The following CPLANE1 variants were observed in gnomAD, a reference collection of about 807,000 sequenced individuals.
The protein encoded by CPLANE1 is ciliogenesis and planar polarity effector complex subunit 1, also known as ciliogenesis and planar polarity effector 1.
In CPLANE1, 263 loss-of-function variants were observed where a neutral mutation model predicts 362.5. That is an observed-to-expected ratio of 0.73 (90% CI 0.66 to 0.80). CPLANE1 has a LOEUF of 0.80. Among genes scored for constraint, CPLANE1 ranks in the 30% least tolerant of loss-of-function variants. The pLI is 0.00. For missense variants in CPLANE1, 3,461 were observed against 3,793.4 expected, an observed-to-expected ratio of 0.91 and a Z score of 2.30; for synonymous variants, 1,212 against 1,302.6, an observed-to-expected ratio of 0.93 and a Z score of 1.50.
intron 47 of CPLANE1, among the ~76,000 whole-genome samples, chr5:37,123,671 A>C (rs1441172873): frequency 2.0e-5 from 3 of 152,070 alleles, no homozygotes; most frequent in Non-Finnish European, 4.4e-5. Context: ...ATGTGCCACC[A>C]CATCTGGCTA....
At position 37,183,680 on chromosome 5, in the gene CPLANE1, C is replaced by T; in HGVS notation, c.4501G>A (p.Glu1501Lys). ...IYQRNAPNHM[E>K]LTSIHKPTDK... ...GTTGGCTTATGAATTGATGTTAATT[C>T]CATGTGATTTGGGGCATTTCTATAG... Residue 1501 changes from glutamate (E) to lysine (K), a missense_variant, in exon 26 of 53, where the codon GAA becomes AAA. Physicochemically the swap from Glu to Lys is moderately conservative, Grantham distance 56. Coordinates refer to ENST00000651892, the MANE Select transcript of CPLANE1 (RefSeq NM_001384732.1). 6.3e-7 allele frequency: 1 copy of T among 1,585,826 alleles called. No homozygotes were observed. Among genetic ancestry groups the T allele is most frequent in the Non-Finnish European group, 8.5e-7 (1 of 1,169,892 alleles).
chr5:37,175,460 T>C (rs898732789), intron 31 of CPLANE1, among the ~76,000 whole-genome samples: 7 of 152,212 alleles, frequency 4.6e-5, no homozygotes, highest in South Asian at 4.1e-4. Flanking sequence ...ATTCTAACTA[T>C]GAAAATTTTT....
At chr5:37,201,897 A>G in intron 18 of CPLANE1, 89 bp from the exon 19 acceptor site, 2 of 841,156 alleles carry the variant, frequency 2.4e-6, no homozygotes, top group African/African-American at 3.4e-5. Flanking sequence ...ATCTAAAAAC[A>G]TTCATTGTCA....
At chr5:37,176,651 T>G (rs1246511371) in intron 30 of CPLANE1, among the ~76,000 whole-genome samples, 2 of 152,164 alleles carry the variant, frequency 1.3e-5, no homozygotes, top group Admixed American at 1.3e-4. Flanking sequence ...AATAGAAGTA[T>G]CTAAATTACT....
chr5:37,098,290 G>T, the CPLANE1 span, among the ~76,000 whole-genome samples: 1 of 150,610 alleles, frequency 6.6e-6, no homozygotes, highest in Non-Finnish European at 1.5e-5. Flanking sequence ...TACTTGGGAG[G>T]CTGAGGCAGG....
chr5:37,198,972 C>T (rs1019527946), intron 19 of CPLANE1, 106 bp from the exon 20 acceptor site: 78 of 1,055,954 alleles, frequency 7.4e-5, no homozygotes, highest in Non-Finnish European at 9.4e-5. Flanking sequence ...TGGCTCACGC[C>T]TGTAATCCCA....
At chr5:37,145,706 C>T (rs11958752) in intron 43 of CPLANE1, among the ~76,000 whole-genome samples, 25,763 of 151,844 alleles carry the variant, frequency 0.17, 2,777 homozygotes, top group African/African-American at 0.31. Flanking sequence ...AGAGAGAATA[C>T]AGAAAACTCC....
chr5:37,180,372 C>T (rs1782355388), intron 27 of CPLANE1, among the ~76,000 whole-genome samples, 189 bp from the exon 28 acceptor site: 1 of 151,226 alleles, frequency 6.6e-6, no homozygotes, highest in Non-Finnish European at 1.5e-5. Context: ...TTTATAAAAT[C>T]TTTCTTTAAA....
chr5:37,123,796 G>T (rs1278848075), intron 47 of CPLANE1, among the ~76,000 whole-genome samples: 1 of 152,082 alleles, frequency 6.6e-6, no homozygotes, highest in Non-Finnish European at 1.5e-5. Context: ...AAAGTGCTGG[G>T]ATTACAGACA....
chr5:37,152,699 A>C (rs2150595428), intron 42 of CPLANE1, among the ~76,000 whole-genome samples: 2 of 152,248 alleles, frequency 1.3e-5, no homozygotes, highest in African/African-American at 4.8e-5. Context: ...TAGTTCAAGC[A>C]AAATAGGGAG....
At position 37,226,335 on chromosome 5, in the gene CPLANE1, C is replaced by T; in HGVS notation, c.2260G>A (p.Val754Ile). 2.6e-6 allele frequency: 4 copies of T among 1,539,576 alleles called. No homozygotes were observed. Among genetic ancestry groups the T allele is most frequent in the Non-Finnish European group, 3.5e-6 (4 of 1,143,310 alleles). ...WNSFFKIHPQ[V>I]VNPVQQPGHR... ...CCTGGCTGTTGCACAGGATTTACTA[C>T]TTGAGGATGAATCTTGAAAAATGAG... The change falls in exon 12 of 53, where the codon GTA (valine) becomes ATA (isoleucine). Residue 754 changes from valine (V) to isoleucine (I), a missense_variant. Coordinates refer to ENST00000651892, the MANE Select transcript of CPLANE1 (RefSeq NM_001384732.1).
chr5:37,195,234 G>C (rs770958975), intron 21 of CPLANE1, among the ~76,000 whole-genome samples: 6 of 152,060 alleles, frequency 3.9e-5, no homozygotes, highest in South Asian at 2.1e-4. Context: ...GGAGGAAAGA[G>C]TGAAATGATA....
the CPLANE1 span, among the ~76,000 whole-genome samples, chr5:37,089,541 A>T: frequency 2.6e-5 from 4 of 152,186 alleles, no homozygotes; most frequent in Non-Finnish European, 4.4e-5. Context: ...ATTATCTAAC[A>T]GCCCTTGGAA....
chr5:37,085,282 G>A, the CPLANE1 span: 75 of 944,822 alleles, frequency 7.9e-5, no homozygotes, highest in East Asian at 1.5e-3. Context: ...GGCAAGGTAC[G>A]AACTGATATA....
At position 37,169,545 on chromosome 5, in the gene CPLANE1, C is replaced by G; in HGVS notation, c.6479G>C (p.Ser2160Thr). The change falls in exon 34 of 53, where the codon AGT becomes ACT. Residue 2160 changes from serine to threonine, a missense_variant. Transcript: ENST00000651892. ...TGNVQNVPHG[S>T]IPLCQLNGQP... is the part of the protein sequence containing the mutation. ...GCCATTTAATTGACATAAAGGAATA[C>G]TCCCATGTGGAACATTCTGGAAGAG... 6.2e-7 allele frequency: 1 copy of G among 1,606,354 alleles called. No homozygotes were observed. Among genetic ancestry groups the G allele is most frequent in the East Asian group, 2.2e-5 (1 of 44,776 alleles).
At chr5:37,199,848 T>C (rs1375393886) in intron 19 of CPLANE1, among the ~76,000 whole-genome samples, 1 of 152,228 alleles carries the variant, frequency 6.6e-6, no homozygotes, top group East Asian at 1.9e-4. Flanking sequence ...TACCTTGTGT[T>C]AAGCCTAGCC....
intron 46 of CPLANE1, 193 bp downstream of exon 46, chr5:37,138,527 G>A (rs747980759): frequency 1.4e-5 from 10 of 720,174 alleles, no homozygotes; most frequent in Admixed American, 3.5e-5. Flanking sequence ...AAAACCCACA[G>A]GATACAGTTA....
the CPLANE1 span, among the ~76,000 whole-genome samples, chr5:37,087,519 C>G: frequency 2.9e-4 from 44 of 152,292 alleles, no homozygotes; most frequent in Non-Finnish European, 5.9e-4. Flanking sequence ...TGCAGTGGCG[C>G]GATCTCGGCT....
At chr5:37,084,845 C>A in the CPLANE1 span, among the ~76,000 whole-genome samples, 1 of 151,522 alleles carries the variant, frequency 6.6e-6, no homozygotes, top group Non-Finnish European at 1.5e-5. Flanking sequence ...ACAAACCAAT[C>A]ACCTGCTGCC....
Sources: gnomAD v4.1 joint callset for allele counts (sites outside exome capture counted in the v4.1 genomes callset) on GRCh38, gnomAD v4.1.1 for gene constraint, MANE v1.5 for transcripts, NCBI Gene and HGNC (gene_info 2026-07-23, HGNC 2026-07-21) for gene names.